The following NOL4 variants were observed in gnomAD, a reference collection of about 807,000 sequenced individuals.
NOL4 encodes cancer/testis antigen 125.
A neutral mutation model predicts 75.9 loss-of-function variants in NOL4; 17 were observed. That is an observed-to-expected ratio of 0.22 (90% CI 0.15 to 0.34). The LOEUF (loss-of-function observed/expected upper bound fraction) is 0.34. NOL4 is among the 10% of genes least tolerant of loss of function. The pLI is 1.00. For synonymous variants in NOL4, 292 were observed against 289.9 expected (o/e 1.01, Z -0.07); for missense variants, 614 against 793.5 (o/e 0.77, Z 2.72).
intron 10 of NOL4, among the ~76,000 whole-genome samples, chr18:33,863,142 A>G (rs1458070784): frequency 2.0e-5 from 3 of 152,238 alleles, no homozygotes; most frequent in Admixed American, 6.5e-5. Context: ...GAAATTGGAA[A>G]TCATCATTCT....
At chr18:33,922,571 G>A (rs966617297) in intron 9 of NOL4, among the ~76,000 whole-genome samples, 4 of 152,146 alleles carry the variant, frequency 2.6e-5, no homozygotes, top group African/African-American at 9.7e-5. Context: ...CCTTTAGTCA[G>A]TTGCATCTCA....
At chr18:34,222,826 C>T (rs903021746) in intron 1 of NOL4, 164 bp downstream of exon 1, 1 of 861,168 alleles carries the variant, frequency 1.2e-6, no homozygotes, top group African/African-American at 1.7e-5. Flanking sequence ...GAAAACGCGC[C>T]TGGCTAATGC....
chr18:34,191,846 T>C (rs958306978), intron 1 of NOL4, among the ~76,000 whole-genome samples: 2 of 152,134 alleles, frequency 1.3e-5, no homozygotes, highest in Non-Finnish European at 2.9e-5. Flanking sequence ...GTTGGTGATA[T>C]TAGCTACAAG....
chr18:34,059,102 T>G (rs910958940), intron 5 of NOL4, among the ~76,000 whole-genome samples: 23 of 135,510 alleles, frequency 1.7e-4, no homozygotes, highest in South Asian at 4.9e-4. Flanking sequence ...CACATATATA[T>G]AGAGAGATAG....
chr18:34,005,046 AAAATACC>A (rs2073958471), intron 6 of NOL4, among the ~76,000 whole-genome samples: 1 of 152,118 alleles, frequency 6.6e-6, no homozygotes, highest in African/African-American at 2.4e-5. Context: ...ATACCGTGTT[AAAATACC>A]AACTTTATCT....
chr18:34,203,119 T>G (rs368403528), intron 1 of NOL4, among the ~76,000 whole-genome samples: 3 of 151,944 alleles, frequency 2.0e-5, no homozygotes, highest in African/African-American at 7.2e-5. Flanking sequence ...AGAAACAAAC[T>G]ATTGAAACAA....
chr18:34,081,195 A>G (rs1032180239), intron 5 of NOL4, among the ~76,000 whole-genome samples: 1 of 152,172 alleles, frequency 6.6e-6, no homozygotes, highest in Non-Finnish European at 1.5e-5. Flanking sequence ...AGTACTTTTA[A>G]TGAATGTTAT....
intron 6 of NOL4, among the ~76,000 whole-genome samples, chr18:33,989,487 A>T (rs1205370167): frequency 1.3e-5 from 2 of 152,114 alleles, no homozygotes; most frequent in Admixed American, 6.6e-5. Flanking sequence ...TTAGAAAAAG[A>T]AAGATTCAAT....
chr18:34,036,115 T>G (rs2075883618), intron 5 of NOL4, among the ~76,000 whole-genome samples: 1 of 152,098 alleles, frequency 6.6e-6, no homozygotes, highest in African/African-American at 2.4e-5. Context: ...TTTCCCTAAC[T>G]CATTCTATAA....
At chr18:34,222,881 C>T in intron 1 of NOL4, 109 bp downstream of exon 1, 1 of 1,450,254 alleles carries the variant, frequency 6.9e-7, no homozygotes, top group Non-Finnish European at 9.3e-7. Flanking sequence ...GTAGGGGGCA[C>T]ACGAGCCAAC....
intron 7 of NOL4, 47 bp from the exon 8 acceptor site, chr18:33,957,564 T>A: frequency 1.4e-6 from 2 of 1,424,666 alleles, no homozygotes; most frequent in South Asian, 1.3e-5. Flanking sequence ...AGGGCTGCTC[T>A]CTTCTGTTCC....
intron 10 of NOL4, among the ~76,000 whole-genome samples, chr18:33,882,177 ATGGCAACAAAAGCCAAAG>A (rs2064329208): frequency 1.3e-5 from 2 of 152,196 alleles, no homozygotes; most frequent in African/African-American, 4.8e-5. Context: ...ACCAAAAGCA[ATGGCAACAAAAGCCAAAG>A]TTGACAAATG....
intron 9 of NOL4, among the ~76,000 whole-genome samples, chr18:33,942,632 C>T (rs1379998170): frequency 6.6e-6 from 1 of 151,858 alleles, no homozygotes; most frequent in African/African-American, 2.4e-5. Flanking sequence ...GTTGTACTGT[C>T]ACCACCCTCA....
chr18:34,122,000 A>G (rs1242633119), intron 2 of NOL4, among the ~76,000 whole-genome samples: 1 of 152,218 alleles, frequency 6.6e-6, no homozygotes, highest in East Asian at 1.9e-4. Flanking sequence ...ACACTAATGA[A>G]TATATCTGAC....
At chr18:34,067,457 C>T (rs917249228) in intron 5 of NOL4, among the ~76,000 whole-genome samples, 1 of 152,076 alleles carries the variant, frequency 6.6e-6, no homozygotes, top group African/African-American at 2.4e-5. Flanking sequence ...TTAGAATCTA[C>T]TGTAGGATAG....
intron 8 of NOL4, among the ~76,000 whole-genome samples, chr18:33,944,244 A>T (rs1178308709): frequency 6.6e-6 from 1 of 151,954 alleles, no homozygotes; most frequent in African/African-American, 2.4e-5. Flanking sequence ...GACCTTTTGA[A>T]TTTTTTTCTA....
intron 5 of NOL4, among the ~76,000 whole-genome samples, chr18:34,072,701 C>T (rs567535098): frequency 3.9e-5 from 6 of 152,224 alleles, no homozygotes; most frequent in African/African-American, 1.2e-4. Flanking sequence ...CTGGACCATA[C>T]AGCAAGTTAC....
intron 9 of NOL4, among the ~76,000 whole-genome samples, chr18:33,928,181 T>A (rs1207779743): frequency 6.6e-6 from 1 of 152,188 alleles, no homozygotes; most frequent in Non-Finnish European, 1.5e-5. Context: ...TTAACAAAGA[T>A]GTTGTCTTCA....
intron 1 of NOL4, among the ~76,000 whole-genome samples, chr18:34,163,614 T>C (rs1355005598): frequency 1.3e-5 from 2 of 152,102 alleles, no homozygotes; most frequent in African/African-American, 2.4e-5. Context: ...TGGAAGAACA[T>C]TCCATGCTCA....
Sources: allele counts gnomAD v4.1 joint callset (sites outside exome capture counted in the v4.1 genomes callset), GRCh38; gene constraint gnomAD v4.1.1; transcripts MANE v1.5; gene names NCBI Gene and HGNC (gene_info 2026-07-23, HGNC 2026-07-21).